The following SGK1 variants were observed in gnomAD, a reference collection of about 807,000 sequenced individuals.
SGK1 encodes serum/glucocorticoid regulated kinase 1.
Under a neutral mutation model 64.2 loss-of-function variants are expected in SGK1, and 26 were observed. The observed-to-expected ratio is 0.40, with a 90% CI of 0.30 to 0.56. The LOEUF (loss-of-function observed/expected upper bound fraction) is 0.56, where lower values mean the gene tolerates loss of function less well. Among genes scored for constraint, SGK1 ranks in the 20% least tolerant of loss-of-function variants. The pLI, the probability that SGK1 is intolerant of heterozygous loss-of-function variation, is 0.38. For missense variants in SGK1, 519 were observed against 645.6 expected (o/e 0.80, Z 2.12); for synonymous variants, 265 against 239.7 (o/e 1.11, Z -0.98).
intron 2 of SGK1, among the ~76,000 whole-genome samples, chr6:134,217,512 C>G (rs1158151045): frequency 1.3e-5 from 2 of 152,258 alleles, no homozygotes; most frequent in East Asian, 3.9e-4. Context: ...GTTTCTCATG[C>G]CTTTGTCCCT....
chr6:134,248,718 C>A (rs1042882429), intron 2 of SGK1, among the ~76,000 whole-genome samples: 4 of 152,098 alleles, frequency 2.6e-5, no homozygotes, highest in African/African-American at 9.7e-5. Flanking sequence ...TCCTCATATA[C>A]AACCAATCTC....
chr6:134,275,011 C>A (rs900450210), intron 1 of SGK1, among the ~76,000 whole-genome samples: 1 of 152,026 alleles, frequency 6.6e-6, no homozygotes, highest in Non-Finnish European at 1.5e-5. Flanking sequence ...ACCGTGTTGA[C>A]CAAGTTAGTC....
At chr6:134,242,954 C>CTTA (rs1263550378) in intron 2 of SGK1, among the ~76,000 whole-genome samples, 1 of 151,378 alleles carries the variant, frequency 6.6e-6, no homozygotes, top group African/African-American at 2.4e-5. Context: ...ACCTATTTAG[C>CTTA]TTATGCCTTT....
At chr6:134,307,664 G>C (rs1346989032) in intron 1 of SGK1, among the ~76,000 whole-genome samples, 1 of 152,152 alleles carries the variant, frequency 6.6e-6, no homozygotes, top group East Asian at 1.9e-4. Context: ...ATGACAAGAA[G>C]AAAGGTATGT....
chr6:134,175,376 G>T (rs567428244), intron 3 of SGK1, among the ~76,000 whole-genome samples: 1 of 152,172 alleles, frequency 6.6e-6, no homozygotes, highest in Non-Finnish European at 1.5e-5. Flanking sequence ...CACCCTCCGG[G>T]GTTTATCCCT....
intron 1 of SGK1, among the ~76,000 whole-genome samples, chr6:134,306,907 T>TA (rs1486575339): frequency 1.2e-5 from 1 of 80,268 alleles, no homozygotes; most frequent in Non-Finnish European, 2.3e-5. Flanking sequence ...TACAAAGAAA[T>TA]AAAAGGGGGG....
At chr6:134,260,844 G>T (rs926975843) in intron 2 of SGK1, 2 of 152,034 alleles carry the variant, frequency 1.3e-5, no homozygotes, top group African/African-American at 2.4e-5. Flanking sequence ...AAAGGTGAGC[G>T]GTTATTAACG....
intron 1 of SGK1, among the ~76,000 whole-genome samples, chr6:134,295,268 G>A (rs539840677): frequency 5.9e-5 from 9 of 152,294 alleles, no homozygotes; most frequent in East Asian, 5.8e-4. Flanking sequence ...AAGAAGAGAC[G>A]AGGGGGCAGA....
intron 3 of SGK1, among the ~76,000 whole-genome samples, chr6:134,196,758 G>A (rs966588944): frequency 6.6e-6 from 1 of 152,206 alleles, no homozygotes; most frequent in African/African-American, 2.4e-5. Flanking sequence ...GTTGAAGTAC[G>A]GGATGCCAAA....
chr6:134,173,968 A>G (rs1367279550), intron 5 of SGK1, 37 bp downstream of exon 5: 12 of 1,421,910 alleles, frequency 8.4e-6, no homozygotes, highest in Non-Finnish European at 1.2e-5. Flanking sequence ...ACTCCCTTAC[A>G]GTTCTCCACA....
intron 2 of SGK1, among the ~76,000 whole-genome samples, chr6:134,223,542 C>G (rs567419694): frequency 6.6e-6 from 1 of 152,182 alleles, no homozygotes; most frequent in East Asian, 1.9e-4. Context: ...AAAAAGGTAC[C>G]TGACATGAGA....
intron 1 of SGK1, among the ~76,000 whole-genome samples, chr6:134,306,346 C>G (rs1777534640): frequency 6.6e-6 from 1 of 151,892 alleles, no homozygotes; most frequent in African/African-American, 2.4e-5. Context: ...TTGCTTGAAC[C>G]CGGGAGGCGG....
chr6:134,270,069 G>C (rs892976727), intron 1 of SGK1, among the ~76,000 whole-genome samples: 8 of 147,682 alleles, frequency 5.4e-5, no homozygotes, highest in Non-Finnish European at 7.5e-5. Flanking sequence ...TTACAGACGT[G>C]TGTCACCACA....
At chr6:134,184,586 C>T (rs1378444009) in intron 3 of SGK1, among the ~76,000 whole-genome samples, 2 of 151,592 alleles carry the variant, frequency 1.3e-5, no homozygotes, top group African/African-American at 4.9e-5. Flanking sequence ...TTGTCATTCA[C>T]TCTATTTCAA....
At chr6:134,177,773 TA>T (rs1376898504) in intron 3 of SGK1, 2 of 1,613,910 alleles carry the variant, frequency 1.2e-6, no homozygotes, top group South Asian at 2.2e-5. Flanking sequence ...ATGGCTGGAA[TA>T]AGCCTCCCTG....
intron 3 of SGK1, among the ~76,000 whole-genome samples, chr6:134,188,309 G>T (rs1484317849): frequency 1.3e-5 from 2 of 151,514 alleles, no homozygotes; most frequent in Non-Finnish European, 2.9e-5. Context: ...TTCCTTCCAA[G>T]TCTCTGACCA....
intron 3 of SGK1, among the ~76,000 whole-genome samples, chr6:134,199,576 AAG>A (rs1554220189): frequency 2.6e-5 from 4 of 151,054 alleles, no homozygotes; most frequent in African/African-American, 9.7e-5. Flanking sequence ...AAAAAAAAAA[AAG>A]AAAGAGAGTT....
chr6:134,266,652 A>G lies in SGK1; in HGVS notation c.70-4504T>C, dbSNP rs1776858628. 3.9e-5 allele frequency among the ~76,000 whole-genome samples: 6 copies of G among 152,166 alleles called. No homozygotes were observed. The South Asian group carries it at 1.0e-3, about 26-fold the overall frequency. On this transcript the variant is annotated intron_variant, in intron 1 of 13. Coordinates refer to ENST00000367858, the MANE Select transcript of SGK1 (RefSeq NM_001143676.3). ...AATATCTTTTTGAGTTTACTATCCT[A>G]AAGTTAAAATTTTGGGTTTCCTTAA... is the stretch of plus-strand genomic sequence containing the variant.
intron 10 of SGK1, 178 bp from the exon 11 acceptor site, chr6:134,171,910 C>T (rs1775040232): frequency 3.2e-6 from 2 of 620,348 alleles, no homozygotes; most frequent in African/African-American, 3.7e-5. Context: ...CCTATGTGTA[C>T]TGACATTTAG....
Sources: gnomAD v4.1 joint callset for allele counts (sites outside exome capture counted in the v4.1 genomes callset) on GRCh38, gnomAD v4.1.1 for gene constraint, MANE v1.5 for transcripts, NCBI Gene and HGNC (gene_info 2026-07-23, HGNC 2026-07-21) for gene names.